Variants in SEMA4B observed in about 807,000 individuals in gnomAD.
SEMA4B encodes semaphorin 4B, also known as semaphorin-4B.
A neutral mutation model predicts 88.1 loss-of-function variants in SEMA4B; 55 were observed. The observed-to-expected ratio is 0.62, with a 90% confidence interval of 0.50 to 0.78. The LOEUF is 0.78. Among genes scored for constraint, SEMA4B ranks in the 30% least tolerant of loss-of-function variants. The probability of loss-of-function intolerance (pLI) is 0.00; values close to 1 mark genes in which losing one functional copy is unlikely to be tolerated. For missense variants in SEMA4B, 1,062 were observed against 1,111.9 expected (o/e 0.96, Z 0.64); for synonymous variants, 525 against 473.6 (o/e 1.11, Z -1.41).
intron 1 of SEMA4B, among the ~76,000 whole-genome samples, chr15:90,209,140 A>G (rs1300448538): frequency 6.6e-6 from 1 of 152,114 alleles, no homozygotes; most frequent in East Asian, 1.9e-4. Context: ...TGTGTCATTC[A>G]TTTGTTTAGT....
chr15:90,201,546 G>T lies in SEMA4B; in HGVS notation c.-33G>T, dbSNP rs773789038. Reference sequence around the variant, plus strand: ...GAGTCCGGCCGAGCCACCTGAGCCCGAGCCGCGGGACACCGTCGCTCCTGC... The same window carrying T: ...GAGTCCGGCCGAGCCACCTGAGCCCTAGCCGCGGGACACCGTCGCTCCTGC... On this transcript the variant is annotated 5_prime_UTR_variant, in exon 1 of 14. Transcript: ENST00000411539. The T allele has an allele frequency of 7.0e-7, 1 of 1,425,678 alleles. No individual in the cohort carries two copies. The highest frequency in any genetic ancestry group is 2.8e-5 in the Admixed American group (1 of 35,624). The allele number at this position is 1,425,678 out of a possible 1,614,324, so 88.3% of individuals were successfully genotyped here.
At chr15:90,218,899 G>A (rs972342428) in intron 3 of SEMA4B, among the ~76,000 whole-genome samples, 1 of 152,194 alleles carries the variant, frequency 6.6e-6, no homozygotes, top group Non-Finnish European at 1.5e-5. Context: ...CATTAAAAAA[G>A]TGACATTTGA....
chr15:90,219,590 C>T lies in SEMA4B; in HGVS notation c.385-203C>T, dbSNP rs1326750449. On this transcript the variant is annotated intron_variant, in intron 3 of 13. Coordinates refer to ENST00000411539, the MANE Select transcript of SEMA4B (RefSeq NM_198925.4). The stretch of plus-strand genomic sequence containing the variant: ...GCCAGTCACAAAACTAGCTGAGCCC[C>T]TGGGCTCCCTGCAGCACACACACTC... 3.8e-5 allele frequency: 21 copies of T among 547,784 alleles called. No homozygotes were observed. The East Asian group carries it at 6.5e-4, about 17-fold the overall frequency. 33.9% of individuals were successfully genotyped at this position (547,784 alleles called of 1,614,324 possible). A position where few individuals can be genotyped will look rare whatever the true frequency, so the allele number is the denominator to read the frequency against.
chr15:90,223,375 A>G (rs557128470), intron 7 of SEMA4B, among the ~76,000 whole-genome samples, 184 bp from the exon 8 acceptor site: 2 of 152,254 alleles, frequency 1.3e-5, no homozygotes, highest in East Asian at 3.9e-4. Context: ...TAGTTACAGT[A>G]AGGACCATCC....
At chr15:90,185,795 C>G (rs752703289) in intron 1 of SEMA4B, among the ~76,000 whole-genome samples, 4 of 152,098 alleles carry the variant, frequency 2.6e-5, no homozygotes, top group Non-Finnish European at 4.4e-5. Flanking sequence ...GTAGAAATCA[C>G]CTTGGCCCAT....
At chr15:90,214,904 TTCTTCATG>T in intron 1 of SEMA4B, 1 of 1,054,596 alleles carries the variant, frequency 9.5e-7, no homozygotes, top group Non-Finnish European at 1.3e-6. Context: ...CTACTTTCTT[TTCTTCATG>T]TCTCCCCACC....
At position 90,212,017 on chromosome 15, in the gene SEMA4B, G is replaced by A. The variant is rs539842236; in HGVS notation, c.158-5422G>A. Among the ~76,000 whole-genome samples the A allele has an allele frequency of 1.4e-4, 21 of 152,168 alleles. No individual in the cohort carries two copies. The highest frequency in any genetic ancestry group is 4.8e-4 in the African/African-American group (20 of 41,522). ...CTGGGGTGGGGACTAACCAGGGTGG[G>A]GATGGTGCTGAGCCCTATTCCTGTC... is the stretch of plus-strand genomic sequence containing the variant. On this transcript the variant is annotated intron_variant, in intron 1 of 13. Transcript: ENST00000411539. The surrounding 1 kb of genome is among the most constrained non-coding windows in gnomAD (Gnocchi z 4.0).
intron 1 of SEMA4B, among the ~76,000 whole-genome samples, chr15:90,209,951 G>T (rs1327574758): frequency 6.6e-6 from 1 of 152,174 alleles, no homozygotes; most frequent in African/African-American, 2.4e-5. Context: ...AAGTTTTTAG[G>T]CAGAACAGTG....
rs1961299699 is a variant in SEMA4B at position 90,212,141 on chromosome 15, AACCCCACTTCCTACTCAG to A, written c.158-5296_158-5279del. On this transcript the variant is annotated intron_variant, in intron 1 of 13. Coordinates refer to ENST00000411539, the MANE Select transcript of SEMA4B (RefSeq NM_198925.4). This position sits in a 1 kb window ranked among gnomAD's most constrained non-coding sequence, Gnocchi z 4.0. ...TATTCCCACATCACTTCCTACTCAG[AACCCCACTTCCTACTCAG>A]AACCCCACTTCCTGGGGTGGGGAGT... 6.9e-5 allele frequency among the ~76,000 whole-genome samples: 1 copy of A among 14,560 alleles called. No homozygotes were observed. The highest frequency in any genetic ancestry group is 9.8e-4 in the African/African-American group (1 of 1,022). The allele number at this position is 14,560 out of a possible 152,430, so 9.6% of individuals were successfully genotyped here.
At position 90,217,616 on chromosome 15, in the gene SEMA4B, C is replaced by G; in HGVS notation, c.321+14C>G. The G allele has an allele frequency of 4.3e-6, 7 of 1,612,766 alleles. No homozygotes were observed. The highest frequency in any genetic ancestry group is 5.9e-6 in the Non-Finnish European group (7 of 1,179,220). ...GAGTACCAGGAGGTGAGAGATGTTG[C>G]CTGGAGCTGGCTAGGCTGGGCAGAG... On this transcript the variant is annotated intron_variant, in intron 2 of 13. Transcript: ENST00000411539.
rs780039699 is a variant in SEMA4B, at chr15:90,201,620, C to A, written c.42C>A (p.Ala14=). 3 of 1,518,616 alleles carry A rather than the reference C, an allele frequency of 2.0e-6. No individual in the cohort carries two copies. The highest frequency in any genetic ancestry group is 2.6e-6 in the Non-Finnish European group (3 of 1,141,076). 94.1% of individuals were successfully genotyped at this position (1,518,616 alleles called of 1,614,324 possible). Residue 14 remains alanine (A), a synonymous_variant, in exon 1 of 14, where the codon GCC becomes GCA. Transcript: ENST00000411539. ...TAMGLRSWLA[A]PWGALPPRPP... is the part of the protein sequence containing the mutation. ...TGGGCCTGAGGAGCTGGCTCGCCGC[C>A]CCATGGGGCGCGCTGCCGCCTCGGC...
chr15:90,224,919 CTGCCACCCCGAGGTG>C, intron 9 of SEMA4B, 34 bp from the exon 10 acceptor site: 1 of 1,526,890 alleles, frequency 6.5e-7, no homozygotes, highest in Non-Finnish European at 9.1e-7. Flanking sequence ...CGCATCCTGC[CTGCCACCCCGAGGTG>C]TGGCTGGCCT....
upstream of SEMA4B, among the ~76,000 whole-genome samples, chr15:90,196,573 G>A (rs1396508864): frequency 3.9e-5 from 6 of 151,956 alleles, no homozygotes; most frequent in South Asian, 2.1e-4. Flanking sequence ...TGCAACCTCC[G>A]CCTCTTGAGT....
Position 90,227,539 on chromosome 15 carries a change from A to C in SEMA4B, c.1689-18A>C, listed in dbSNP as rs1360580667. On this transcript the variant is annotated intron_variant, in intron 12 of 13. Coordinates refer to ENST00000411539, the MANE Select transcript of SEMA4B (RefSeq NM_198925.4). ...AGGGGACTTCCTGGCCAATCCCAGA[A>C]TTCTCTCTGGCCCTCAGGCCGTGGA... is the stretch of plus-strand genomic sequence containing the variant. 1 of 1,612,988 alleles carries C rather than the reference A, an allele frequency of 6.2e-7. No individual in the cohort carries two copies. Among genetic ancestry groups the C allele is most frequent in the Non-Finnish European group, 8.5e-7 (1 of 1,179,312 alleles).
chr15:90,194,948 A>G (rs1270291126), intron 1 of SEMA4B, among the ~76,000 whole-genome samples: 1 of 152,172 alleles, frequency 6.6e-6, no homozygotes, highest in Non-Finnish European at 1.5e-5. Context: ...ACTTAATCAC[A>G]TCTGAGAAAT....
In SEMA4B at chr15:90,201,727, T is replaced by G; in HGVS notation, c.149T>G (p.Leu50Arg). 1 of 1,456,612 alleles carries G rather than the reference T, an allele frequency of 6.9e-7. No individual in the cohort carries two copies. 90.2% of individuals were successfully genotyped at this position (1,456,612 alleles called of 1,614,324 possible). Residue 50 changes from leucine (L) to arginine (R), a missense_variant, in exon 1 of 14, where the codon CTG becomes CGG. Coordinates refer to ENST00000411539, the MANE Select transcript of SEMA4B (RefSeq NM_198925.4). ...PTWALSPRIS[L>R]PLGSEERPFL... Reference sequence around the variant, plus strand: ...TGGGCGCTCAGCCCCCGGATCAGCCTGCCTCTGGGTGAGTGCCGGGGACCC... The same window carrying G: ...TGGGCGCTCAGCCCCCGGATCAGCCGGCCTCTGGGTGAGTGCCGGGGACCC...
chr15:90,213,193 T>A (rs545628354), intron 1 of SEMA4B, among the ~76,000 whole-genome samples: 1 of 152,312 alleles, frequency 6.6e-6, no homozygotes, highest in South Asian at 2.1e-4. Context: ...TTTCCCCATT[T>A]TACAGATAAG....
intron 1 of SEMA4B, among the ~76,000 whole-genome samples, chr15:90,192,221 G>A (rs1186004714): frequency 6.6e-6 from 1 of 152,224 alleles, no homozygotes; most frequent in Non-Finnish European, 1.5e-5. Flanking sequence ...AGCTCCACTG[G>A]GCTTGGCAGG....
chr15:90,217,934 G>A (rs1961617014), intron 3 of SEMA4B, 105 bp downstream of exon 3: 1 of 933,262 alleles, frequency 1.1e-6, no homozygotes, highest in Non-Finnish European at 1.7e-6. Context: ...GCCAGGTATG[G>A]TGGGAAGGGC....
Sources: gnomAD v4.1 joint callset for allele counts (sites outside exome capture counted in the v4.1 genomes callset) on GRCh38, gnomAD v4.1.1 for gene constraint, Gnocchi (gnomAD v3.1) non-coding constraint, MANE v1.5 for transcripts, NCBI Gene and HGNC (gene_info 2026-07-23, HGNC 2026-07-21) for gene names.